PCDH11X: variants seen among roughly 807,000 people sequenced by gnomAD.
PCDH11X encodes protocadherin 11 X-linked, also known as protocadherin-11 X-linked.
In PCDH11X, 18 loss-of-function variants were observed where a neutral mutation model predicts 53.3. The observed-to-expected ratio is 0.34, with a 90% CI of 0.23 to 0.50. The LOEUF (loss-of-function observed/expected upper bound fraction) is 0.50. Among genes scored for constraint, PCDH11X ranks in the 20% least tolerant of loss-of-function variants. PCDH11X has a pLI of 0.98. For synonymous variants in PCDH11X, 279 were observed against 393.3 expected, an observed-to-expected ratio of 0.71 and a Z score of 3.44; for missense variants, 570 against 1,032.4, an observed-to-expected ratio of 0.55 and a Z score of 6.14.
At chrX:92,320,720 G>A (rs928660370) in intron 8 of PCDH11X, among the ~76,000 whole-genome samples, 1 of 111,310 alleles carries the variant, frequency 9.0e-6, no homozygotes, top group African/African-American at 3.3e-5. Flanking sequence ...TTTATAAGGG[G>A]TTACAGCCTG....
At chrX:92,227,687 G>T (rs952523547) in intron 7 of PCDH11X, among the ~76,000 whole-genome samples, 6 of 110,691 alleles carry the variant, frequency 5.4e-5, no homozygotes, top group Admixed American at 2.9e-4. Flanking sequence ...GTTTTTGTGG[G>T]TTTTAACGAG....
At chrX:92,059,866 C>T (rs1383707971) in intron 6 of PCDH11X, among the ~76,000 whole-genome samples, 2 of 110,090 alleles carry the variant, frequency 1.8e-5, no homozygotes, top group African/African-American at 6.6e-5. Flanking sequence ...ACCTATTTCA[C>T]AGGTATTTAA....
At position 92,267,115 on chromosome X, in the gene PCDH11X, A is replaced by C. The variant is rs181289370; in HGVS notation, c.3144+3972A>C. ...TTAATAGTTTTTGAAATTTCCTCGT[A>C]TGAATACAAACTGCTCTTTTTATTC... is the stretch of plus-strand genomic sequence containing the variant. On this transcript the variant is annotated intron_variant, in intron 8 of 10. Transcript: ENST00000682573. Among the ~76,000 whole-genome samples the C allele has an allele frequency of 2.7e-5, 3 of 112,098 alleles. No individual in the cohort carries two copies. In the East Asian group the frequency reaches 8.4e-4, roughly 31 times the overall value.
chrX:92,329,955 C>T (rs2069423757), intron 8 of PCDH11X, among the ~76,000 whole-genome samples: 1 of 110,650 alleles, frequency 9.0e-6, no homozygotes, highest in South Asian at 3.8e-4. Flanking sequence ...ATTTATTGCA[C>T]ATTTACAAAT....
At chrX:92,449,580 A>C (rs1302965471) in intron 9 of PCDH11X, among the ~76,000 whole-genome samples, 16 of 112,066 alleles carry the variant, frequency 1.4e-4, no homozygotes, top group African/African-American at 5.2e-4. Flanking sequence ...AGGATAGATT[A>C]TTTGCACAAA....
chrX:92,211,951 C>A (rs2066594363), intron 7 of PCDH11X, among the ~76,000 whole-genome samples: 1 of 106,077 alleles, frequency 9.4e-6, no homozygotes, highest in African/African-American at 3.5e-5. Flanking sequence ...TATGCTTGGG[C>A]AATATTTTTG....
intron 10 of PCDH11X, among the ~76,000 whole-genome samples, chrX:92,600,180 G>A (rs1926072570): frequency 9.5e-6 from 1 of 104,718 alleles, no homozygotes; most frequent in Admixed American, 1.0e-4. Context: ...CCCATTTTCT[G>A]AGGAAAAATT....
chrX:92,572,569 T>TA (rs1028268048), intron 10 of PCDH11X, among the ~76,000 whole-genome samples: 6 of 107,045 alleles, frequency 5.6e-5, no homozygotes, highest in Non-Finnish European at 1.2e-4. Flanking sequence ...AGGCAATTTT[T>TA]AAAAAACAAA....
intron 6 of PCDH11X, among the ~76,000 whole-genome samples, chrX:92,040,068 A>G (rs1276761093): frequency 9.3e-6 from 1 of 107,865 alleles, no homozygotes; most frequent in Non-Finnish European, 1.9e-5. Context: ...GGTATCCAAG[A>G]TGCAAGGCAA....
intron 10 of PCDH11X, among the ~76,000 whole-genome samples, chrX:92,597,455 G>T (rs2148803730): frequency 9.0e-6 from 1 of 110,558 alleles, no homozygotes; most frequent in African/African-American, 3.3e-5. Flanking sequence ...AAATACCTAA[G>T]AATTAACATA....
At chrX:91,858,450 C>T (rs1225547266) in intron 5 of PCDH11X, among the ~76,000 whole-genome samples, 1 of 111,573 alleles carries the variant, frequency 9.0e-6, no homozygotes, top group Non-Finnish European at 1.9e-5. Flanking sequence ...CAGAAAATGG[C>T]TTTCTCTTTT....
chrX:91,909,769 AT>A (rs34017573), intron 6 of PCDH11X, among the ~76,000 whole-genome samples: 2 of 110,355 alleles, frequency 1.8e-5, no homozygotes, highest in Non-Finnish European at 3.8e-5. Context: ...GAGTTGTCTG[AT>A]TTTTTTCTCG....
chrX:92,014,334 G>A (rs2062750894), intron 6 of PCDH11X, among the ~76,000 whole-genome samples: 1 of 111,760 alleles, frequency 8.9e-6, no homozygotes, highest in Non-Finnish European at 1.9e-5. Context: ...ATGACAATGA[G>A]ATACCATCTC....
chrX:92,604,120 A>G lies in PCDH11X; in HGVS notation c.3368-14144A>G, dbSNP rs774206582. On this transcript the variant is annotated intron_variant, in intron 10 of 10. Coordinates refer to ENST00000682573, the MANE Select transcript of PCDH11X (RefSeq NM_032968.5). ...AGCAAAGTATTGGAGTAAGGAAATG[A>G]TACCAGATTATAACTAGAATTCACA... 2.3e-3 allele frequency among the ~76,000 whole-genome samples: 251 copies of G among 109,336 alleles called. 3 individuals carry two copies. Among genetic ancestry groups the G allele is most frequent in the African/African-American group, 7.9e-3 (240 of 30,359 alleles). 94.9% of individuals were successfully genotyped at this position (109,336 alleles called of 115,157 possible).
chrX:92,580,993 G>T (rs1923620640), intron 10 of PCDH11X, among the ~76,000 whole-genome samples: 1 of 110,227 alleles, frequency 9.1e-6, no homozygotes, highest in African/African-American at 3.3e-5. Context: ...AGTTGAAGGT[G>T]CAGGATTCAC....
At chrX:92,233,508 TTTTG>T (rs1285947092) in intron 7 of PCDH11X, among the ~76,000 whole-genome samples, 1 of 112,026 alleles carries the variant, frequency 8.9e-6, no homozygotes, top group African/African-American at 3.2e-5. Flanking sequence ...TTTTTGATGG[TTTTG>T]TTTTTCTATT....
intron 6 of PCDH11X, among the ~76,000 whole-genome samples, chrX:92,181,924 C>T (rs1366308424): frequency 8.9e-6 from 1 of 112,336 alleles, no homozygotes; most frequent in African/African-American, 3.2e-5. Flanking sequence ...GGTGGGTGCC[C>T]CCACACAGAG....
At chrX:91,945,394 A>G (rs1343602265) in intron 6 of PCDH11X, among the ~76,000 whole-genome samples, 2 of 105,588 alleles carry the variant, frequency 1.9e-5, no homozygotes, top group Non-Finnish European at 3.9e-5. Context: ...AATTGCATGT[A>G]ATCCTGGCCT....
chrX:92,293,916 G>C (rs2068553617), intron 8 of PCDH11X, among the ~76,000 whole-genome samples: 1 of 108,441 alleles, frequency 9.2e-6, no homozygotes, highest in South Asian at 4.2e-4. Flanking sequence ...TCAGAGAAAA[G>C]ACATTAAGAA....
Sources: allele counts gnomAD v4.1 joint callset (sites outside exome capture counted in the v4.1 genomes callset), GRCh38; gene constraint gnomAD v4.1.1; transcripts MANE v1.5; gene names NCBI Gene and HGNC (gene_info 2026-07-23, HGNC 2026-07-21).